Variants in RSBN1L observed in about 807,000 individuals in gnomAD.
RSBN1L encodes the protein round spermatid basic protein 1 like.
In RSBN1L, 30 loss-of-function variants were observed where a neutral mutation model predicts 67.7. The observed-to-expected ratio is 0.44, with a 90% CI of 0.33 to 0.60. RSBN1L has a LOEUF of 0.60. Ranked by LOEUF, RSBN1L falls within the 20% of genes least tolerant of loss-of-function variation. The probability of loss-of-function intolerance (pLI) is 0.02; values close to 1 mark genes in which losing one functional copy is unlikely to be tolerated. For synonymous variants in RSBN1L, 433 were observed against 387.0 expected (o/e 1.12, Z -1.39); for missense variants, 992 against 1,031.7 (o/e 0.96, Z 0.53).
chr7:77,697,008 G>A lies in RSBN1L; in HGVS notation c.539G>A (p.Gly180Asp), dbSNP rs779439342. Residue 180 changes from glycine (G) to aspartate (D), a missense_variant, in exon 1 of 8, where the codon GGC becomes GAC. Transcript: ENST00000334955. ...GGTCTCGGTGGGGCCCGAGAGGCCGGCGGGGCCTCCCGGGAGGAGAACGGG... is the reference window on the plus strand; with the variant it reads ...GGTCTCGGTGGGGCCCGAGAGGCCGACGGGGCCTCCCGGGAGGAGAACGGG... ...RHGLGGAREA[G>D]GASREENGEV... The A allele has an allele frequency of 7.2e-6, 11 of 1,529,630 alleles. No individual in the cohort carries two copies. The African/African-American group carries it at 1.4e-4, about 19-fold the overall frequency. The allele number at this position is 1,529,630 out of a possible 1,614,324, so 94.8% of individuals were successfully genotyped here. A position where few individuals can be genotyped will look rare whatever the true frequency, so the allele number is the denominator to read the frequency against.
At position 77,778,463 on chromosome 7, in the gene RSBN1L, T is replaced by TA; in HGVS notation, c.1902+18dup. ...CTGTCCCAGGTATTTTTAATACACT[T>TA]ACTGTCTTTGGTTTAGTTTTTATTA... On this transcript the variant is annotated intron_variant, in intron 7 of 7. Coordinates refer to ENST00000334955, the MANE Select transcript of RSBN1L (RefSeq NM_198467.3). 6.3e-7 allele frequency: 1 copy of TA among 1,598,912 alleles called. No individual in the cohort carries two copies. The highest frequency in any genetic ancestry group is 8.5e-7 in the Non-Finnish European group (1 of 1,172,470).
chr7:77,744,512 C>T (rs960510904), intron 2 of RSBN1L, among the ~76,000 whole-genome samples: 5 of 151,992 alleles, frequency 3.3e-5, no homozygotes, highest in East Asian at 1.9e-4. Context: ...GTCTCACTCT[C>T]GTCACCCAGT....
At chr7:77,754,391 A>G (rs887465395) in intron 3 of RSBN1L, among the ~76,000 whole-genome samples, 1 of 152,058 alleles carries the variant, frequency 6.6e-6, no homozygotes, top group Non-Finnish European at 1.5e-5. Flanking sequence ...CCTTTACAAC[A>G]TTGAGTCTTC....
intron 2 of RSBN1L, among the ~76,000 whole-genome samples, chr7:77,747,541 G>A (rs1791500739): frequency 6.6e-6 from 1 of 152,018 alleles, no homozygotes; most frequent in African/African-American, 2.4e-5. Context: ...CTTCAAGGGT[G>A]CCAGCCATAA....
intron 1 of RSBN1L, among the ~76,000 whole-genome samples, chr7:77,725,590 A>C (rs1791191206): frequency 6.6e-6 from 1 of 151,278 alleles, no homozygotes; most frequent in Middle Eastern, 3.4e-3. Context: ...ACATATGTAC[A>C]TATGTAAACA....
intron 6 of RSBN1L, among the ~76,000 whole-genome samples, chr7:77,777,087 C>T (rs10263369): frequency 0.42 from 62,859 of 150,982 alleles, 13,474 homozygotes; most frequent in African/African-American, 0.5. Flanking sequence ...TGTCAACTTA[C>T]CACAATCTAC....
chr7:77,705,510 GTTTT>G (rs56187940), intron 1 of RSBN1L, among the ~76,000 whole-genome samples: 1 of 111,480 alleles, frequency 9.0e-6, no homozygotes, highest in African/African-American at 3.8e-5. Context: ...CATTGTAATG[GTTTT>G]TTTTTTTTTT....
intron 1 of RSBN1L, among the ~76,000 whole-genome samples, chr7:77,706,734 T>C (rs1196520289): frequency 1.3e-5 from 2 of 152,218 alleles, no homozygotes; most frequent in African/African-American, 4.8e-5. Context: ...CAGAATCTTT[T>C]GGTAAACTCT....
intron 2 of RSBN1L, among the ~76,000 whole-genome samples, chr7:77,746,744 G>T (rs1791489436): frequency 6.6e-6 from 1 of 152,186 alleles, no homozygotes; most frequent in Non-Finnish European, 1.5e-5. Flanking sequence ...ATAGAGGGGG[G>T]TGGGTATAGG....
chr7:77,696,706 C>A lies in RSBN1L; in HGVS notation c.237C>A (p.Ser79Arg), dbSNP rs1371436665. Reference protein sequence around the residue: ...LQPPAAPSPQSYGSPASWSFA... With the variant: ...LQPPAAPSPQRYGSPASWSFA... The stretch of plus-strand genomic sequence containing the variant: ...CGCCGGCAGCACCTTCGCCTCAGAG[C>A]TATGGCAGCCCCGCGTCTTGGAGCT... Residue 79 changes from serine to arginine, a missense_variant, in exon 1 of 8, where the codon AGC becomes AGA. Ser to Arg is a moderately radical substitution (Grantham distance 110, BLOSUM62 -1). Around this residue, in one of 7 missense-constraint regions of RSBN1L, gnomAD observed 575 missense variants for 483.2 expected, o/e 1.19. Transcript: ENST00000334955. 6.2e-7 allele frequency: 1 copy of A among 1,613,442 alleles called. No homozygotes were observed. Among genetic ancestry groups the A allele is most frequent in the South Asian group, 1.1e-5 (1 of 91,044 alleles).
At chr7:77,714,691 G>T (rs577588891) in intron 1 of RSBN1L, among the ~76,000 whole-genome samples, 1 of 152,072 alleles carries the variant, frequency 6.6e-6, no homozygotes, top group Non-Finnish European at 1.5e-5. Flanking sequence ...GGCCGGGCAC[G>T]GTGGCTCACA....
At chr7:77,775,782 G>A (rs765210050) in intron 6 of RSBN1L, among the ~76,000 whole-genome samples, 3 of 152,116 alleles carry the variant, frequency 2.0e-5, no homozygotes, top group Non-Finnish European at 4.4e-5. Flanking sequence ...TTGGCTAGGC[G>A]CGGTGGCTCA....
chr7:77,739,845 G>A (rs188961897), intron 2 of RSBN1L, among the ~76,000 whole-genome samples: 1 of 133,344 alleles, frequency 7.5e-6, no homozygotes. Flanking sequence ...TGCCTCCTGG[G>A]TTCAAGCAGT....
chr7:77,748,693 C>T (rs540641468), intron 2 of RSBN1L, among the ~76,000 whole-genome samples: 38 of 151,940 alleles, frequency 2.5e-4, no homozygotes, highest in Non-Finnish European at 4.9e-4. Context: ...CTCTCTTGGG[C>T]GGGGTGGTCT....
intron 2 of RSBN1L, among the ~76,000 whole-genome samples, chr7:77,737,830 C>G (rs563426094): frequency 1.4e-4 from 21 of 152,176 alleles, no homozygotes; most frequent in African/African-American, 4.8e-4. Context: ...TGAGACCAGC[C>G]TGGCCGATGT....
chr7:77,712,155 G>A (rs1790983651), intron 1 of RSBN1L, among the ~76,000 whole-genome samples: 1 of 151,932 alleles, frequency 6.6e-6, no homozygotes, highest in Admixed American at 6.6e-5. Context: ...AGGAAGAAAA[G>A]CATCTGAAAT....
chr7:77,751,321 G>A (rs534695671), intron 3 of RSBN1L, among the ~76,000 whole-genome samples: 1 of 149,564 alleles, frequency 6.7e-6, no homozygotes, highest in East Asian at 1.9e-4. Flanking sequence ...TGTATTTTTG[G>A]TAGAGACAGG....
chr7:77,739,574 G>A (rs144422267), intron 2 of RSBN1L, among the ~76,000 whole-genome samples: 1,538 of 150,866 alleles, frequency 0.01, 21 homozygotes, highest in African/African-American at 0.035. Context: ...TTAGCCGGGC[G>A]TGGTGGCGCT....
intron 1 of RSBN1L, among the ~76,000 whole-genome samples, chr7:77,733,102 T>G (rs1029087217): frequency 2.0e-5 from 3 of 151,942 alleles, no homozygotes; most frequent in Non-Finnish European, 4.4e-5. Context: ...GAGACCAACC[T>G]CAGCAACATA....
Sources: allele counts gnomAD v4.1 joint callset (sites outside exome capture counted in the v4.1 genomes callset), GRCh38; gene constraint gnomAD v4.1.1; regional missense constraint gnomAD v4.1.1; transcripts MANE v1.5; gene names NCBI Gene and HGNC (gene_info 2026-07-23, HGNC 2026-07-21).